The following APPBP2 variants were observed in gnomAD, a reference collection of about 807,000 sequenced individuals.
APPBP2 encodes amyloid beta precursor protein binding protein 2.
In APPBP2, 15 loss-of-function variants were observed where a neutral mutation model predicts 76.0. That is an observed-to-expected ratio of 0.20 (90% CI 0.13 to 0.30). The LOEUF is 0.30. APPBP2 is among the 10% of genes least tolerant of loss of function. The probability of loss-of-function intolerance (pLI) is 1.00; values close to 1 mark genes in which losing one functional copy is unlikely to be tolerated. For missense variants in APPBP2, 401 were observed against 687.2 expected (o/e 0.58, Z 4.66); for synonymous variants, 222 against 242.2 (o/e 0.92, Z 0.77).
At chr17:60,525,742 G>C in intron 1 of APPBP2, 52 bp downstream of exon 1, 1 of 1,609,380 alleles carries the variant, frequency 6.2e-7, no homozygotes, top group South Asian at 1.1e-5. Context: ...GGAAGGGGGT[G>C]CGGCCCCCGG....
In APPBP2 at chr17:60,464,127, T is replaced by C. The variant is rs1021567941; in HGVS notation, c.673-17A>G. 76 of 1,583,670 alleles carry C rather than the reference T, an allele frequency of 4.8e-5. No individual in the cohort carries two copies. In the Admixed American group the frequency reaches 1.2e-3, roughly 26 times the overall value. On this transcript the variant is annotated splice_polypyrimidine_tract_variant and intron_variant, in intron 5 of 12. Transcript: ENST00000083182. ...TTTGTATGCCTAAAAAAATTATTTA[T>C]AGAAGAGACAGAACTGTGGTTAAAT...
intron 1 of APPBP2, among the ~76,000 whole-genome samples, chr17:60,503,060 T>G (rs1456283166): frequency 2.8e-5 from 4 of 142,632 alleles, no homozygotes; most frequent in Non-Finnish European, 5.9e-5. Context: ...GTCACCAGGT[T>G]GGAGTGCAGT....
chr17:60,465,319 T>C (rs2090502861), intron 5 of APPBP2, among the ~76,000 whole-genome samples: 1 of 152,222 alleles, frequency 6.6e-6, no homozygotes, highest in Non-Finnish European at 1.5e-5. Flanking sequence ...ACTTTTATTG[T>C]TCCAAGCTAT....
At chr17:60,483,227 T>C (rs1335486812) in intron 3 of APPBP2, among the ~76,000 whole-genome samples, 1 of 152,242 alleles carries the variant, frequency 6.6e-6, no homozygotes, top group Non-Finnish European at 1.5e-5. Flanking sequence ...AAATGTCTTC[T>C]TTTGAGAAGT....
intron 4 of APPBP2, chr17:60,477,333 A>T (rs1458499662): frequency 6.6e-6 from 1 of 152,248 alleles, no homozygotes; most frequent in Non-Finnish European, 1.5e-5. Flanking sequence ...ATAAAAAAAT[A>T]AAGCACATAC....
chr17:60,447,869 C>G, intron 12 of APPBP2, 35 bp from the exon 13 acceptor site: 1 of 1,476,860 alleles, frequency 6.8e-7, no homozygotes, highest in Non-Finnish European at 9.2e-7. Context: ...AAAAAAAAAG[C>G]ACAAATAATG....
At chr17:60,518,377 G>A (rs1480962656) in intron 1 of APPBP2, among the ~76,000 whole-genome samples, 1 of 146,414 alleles carries the variant, frequency 6.8e-6, no homozygotes, top group Non-Finnish European at 1.5e-5. Flanking sequence ...GTGTGTGTGT[G>A]TGTGTGTGTG....
chr17:60,500,555 G>A, intron 1 of APPBP2, 68 bp from the exon 2 acceptor site: 4 of 1,096,028 alleles, frequency 3.6e-6, no homozygotes, highest in Non-Finnish European at 2.7e-6. Context: ...AATCATATTT[G>A]ATAAATGTAA....
chr17:60,486,837 GTTCCT>G (rs1325338789), intron 3 of APPBP2, among the ~76,000 whole-genome samples: 2 of 152,206 alleles, frequency 1.3e-5, no homozygotes, highest in African/African-American at 4.8e-5. Context: ...GGTACCGGTT[GTTCCT>G]TTCCATCTTT....
At chr17:60,475,322 C>T (rs1034553143) in intron 4 of APPBP2, among the ~76,000 whole-genome samples, 1 of 152,148 alleles carries the variant, frequency 6.6e-6, no homozygotes, top group Non-Finnish European at 1.5e-5. Context: ...CCAGGCAGGT[C>T]TCAAACTCCT....
In APPBP2 at chr17:60,479,285, AAAC is replaced by A; in HGVS notation, c.380-17_380-15del. On this transcript the variant is annotated splice_polypyrimidine_tract_variant and intron_variant, in intron 3 of 12. Transcript: ENST00000083182. ...AAAGAAAGCCACCTAAAAAAATAAG[AAAC>A]ACCAATTTTAGAAAACTTGATAAAT... 1 of 1,586,574 alleles carries A rather than the reference AAAC, an allele frequency of 6.3e-7. No individual in the cohort carries two copies. The highest frequency in any genetic ancestry group is 1.2e-5 in the South Asian group (1 of 85,298).
chr17:60,456,422 T>C (rs1371191259), intron 9 of APPBP2, 41 bp from the exon 10 acceptor site: 1 of 1,272,792 alleles, frequency 7.9e-7, no homozygotes, highest in Non-Finnish European at 1.1e-6. Context: ...TCTTTTTAGT[T>C]ACAAATGATT....
chr17:60,490,467 T>G (rs1204633948), intron 3 of APPBP2, among the ~76,000 whole-genome samples: 1 of 151,930 alleles, frequency 6.6e-6, no homozygotes, highest in African/African-American at 2.4e-5. Flanking sequence ...AGCCCAGGAG[T>G]TCAAGACCAG....
At chr17:60,517,231 C>T (rs937445240) in intron 1 of APPBP2, among the ~76,000 whole-genome samples, 8 of 152,138 alleles carry the variant, frequency 5.3e-5, no homozygotes, top group Non-Finnish European at 1.2e-4. Context: ...CTGCCTTGGC[C>T]TCTCAAAGTG....
chr17:60,461,920 A>G lies in APPBP2; in HGVS notation c.831-5T>C, dbSNP rs1026197547. The G allele has an allele frequency of 4.3e-6, 7 of 1,610,200 alleles. No individual in the cohort carries two copies. Among genetic ancestry groups the G allele is most frequent in the Non-Finnish European group, 5.9e-6 (7 of 1,176,984 alleles). On this transcript the variant is annotated splice_polypyrimidine_tract_variant and splice_region_variant and intron_variant, in intron 7 of 12. Transcript: ENST00000083182. ...TGTTTGGATCCAAAATGATCCCTATAAAAAGACACAAAATTATTAGGATAT... is the reference window on the plus strand; with the variant it reads ...TGTTTGGATCCAAAATGATCCCTATGAAAAGACACAAAATTATTAGGATAT...
intron 2 of APPBP2, among the ~76,000 whole-genome samples, chr17:60,495,237 C>T (rs1051287293): frequency 2.0e-5 from 3 of 151,482 alleles, no homozygotes; most frequent in African/African-American, 4.8e-5. Flanking sequence ...CTACCCACCT[C>T]GGCCTCCCAA....
chr17:60,518,197 G>A (rs866759861), intron 1 of APPBP2, among the ~76,000 whole-genome samples: 4 of 151,212 alleles, frequency 2.6e-5, no homozygotes, highest in South Asian at 2.1e-4. Flanking sequence ...GGTGTATGTC[G>A]CCATGCCTAG....
intron 3 of APPBP2, among the ~76,000 whole-genome samples, chr17:60,484,214 C>T (rs1185964110): frequency 6.6e-6 from 1 of 152,112 alleles, no homozygotes; most frequent in African/African-American, 2.4e-5. Context: ...AATGCGGGCT[C>T]TTTTTTGGTT....
intron 9 of APPBP2, among the ~76,000 whole-genome samples, chr17:60,458,065 T>G (rs560049561): frequency 1.3e-5 from 2 of 152,248 alleles, no homozygotes; most frequent in Non-Finnish European, 2.9e-5. Flanking sequence ...TGATCCTTTG[T>G]GACTGGCTTC....
Sources: allele counts gnomAD v4.1 joint callset (sites outside exome capture counted in the v4.1 genomes callset), GRCh38; gene constraint gnomAD v4.1.1; transcripts MANE v1.5; gene names NCBI Gene and HGNC (gene_info 2026-07-23, HGNC 2026-07-21).